Variants in ACSL4 observed in about 807,000 individuals in gnomAD.
ACSL4 encodes acyl-CoA synthetase long chain family member 4.
Under a neutral mutation model 49.1 loss-of-function variants are expected in ACSL4, and 9 were observed. The observed-to-expected ratio is 0.18, with a 90% confidence interval of 0.11 to 0.32. The LOEUF (loss-of-function observed/expected upper bound fraction) is 0.32. Ranked by LOEUF, ACSL4 falls within the 10% of genes least tolerant of loss-of-function variation. The pLI, the probability that ACSL4 is intolerant of heterozygous loss-of-function variation, is 1.00. For missense variants in ACSL4, 333 were observed against 493.7 expected (o/e 0.67, Z 3.08); for synonymous variants, 191 against 170.3 (o/e 1.12, Z -0.95).
At position 109,643,642 on chromosome X, in the gene ACSL4, C is replaced by G. The variant is rs1443681665; in HGVS notation, c.*387G>C. 3 of 146,267 alleles carry G rather than the reference C, an allele frequency of 2.1e-5. No homozygotes were observed. The highest frequency in any genetic ancestry group is 1.5e-4 in the Admixed American group (2 of 13,009). The allele number at this position is 146,267 out of a possible 1,213,427, so 12.1% of individuals were successfully genotyped here. ...TCTGTCATGCTTAATATTTAAACTTCTGAAATAGGAAGACAAGAGGCATTG... is the reference window on the plus strand; with the variant it reads ...TCTGTCATGCTTAATATTTAAACTTGTGAAATAGGAAGACAAGAGGCATTG... On this transcript the variant is annotated 3_prime_UTR_variant, in exon 16 of 16. Coordinates refer to ENST00000672401, the MANE Select transcript of ACSL4 (RefSeq NM_001318510.2).
In ACSL4 at chrX:109,668,150, G is replaced by A; in HGVS notation, c.1266C>T (p.Gly422=). The part of the protein sequence containing the change: ...FMNVCFCCPI[G]QGYGLTESCG... ...ATGATTCTGTCAGTCCATAACCCTG[G>A]CCAATTGGGCAGCAGAAGCAGACAT... The change falls in exon 11 of 16, where the codon GGC becomes GGT. Residue 422 remains glycine, a synonymous_variant. Transcript: ENST00000672401. The A allele has an allele frequency of 8.3e-7, 1 of 1,209,001 alleles. No homozygotes were observed. Among genetic ancestry groups the A allele is most frequent in the Non-Finnish European group, 1.1e-6 (1 of 893,214 alleles).
intron 1 of ACSL4, among the ~76,000 whole-genome samples, chrX:109,702,437 T>A (rs775424826): frequency 4.5e-5 from 5 of 112,236 alleles, no homozygotes; most frequent in Non-Finnish European, 9.4e-5. Flanking sequence ...AATATACTTA[T>A]GCTAGTGATT....
chrX:109,643,862 A>T lies in ACSL4; in HGVS notation c.*167T>A. ...CACTAGAACTATGCAAAACTAAGTT[A>T]AAGTAAACCGGACAACAATTTTAAT... On this transcript the variant is annotated 3_prime_UTR_variant, in exon 16 of 16. Transcript: ENST00000672401. The T allele has an allele frequency of 3.5e-6, 2 of 570,615 alleles. No homozygotes were observed. Among genetic ancestry groups the T allele is most frequent in the Non-Finnish European group, 5.6e-6 (2 of 354,324 alleles). The allele number at this position is 570,615 out of a possible 1,213,427, so 47.0% of individuals were successfully genotyped here.
At chrX:109,650,475 A>T (rs1403076573) in intron 15 of ACSL4, among the ~76,000 whole-genome samples, 2 of 98,937 alleles carry the variant, frequency 2.0e-5, no homozygotes, top group Admixed American at 1.1e-4. Flanking sequence ...GGAATTGAAC[A>T]ATGAGAACAC....
intron 15 of ACSL4, among the ~76,000 whole-genome samples, chrX:109,647,766 T>G (rs1234562634): frequency 9.1e-6 from 1 of 110,468 alleles, no homozygotes; most frequent in Admixed American, 9.6e-5. Flanking sequence ...GCAAAATTGA[T>G]AGACCGCTAG....
chrX:109,645,494 A>G lies in ACSL4; in HGVS notation c.1856-1308T>C, dbSNP rs752773651. 2.7e-5 allele frequency among the ~76,000 whole-genome samples: 3 copies of G among 112,218 alleles called. No homozygotes were observed. In the South Asian group the frequency reaches 1.1e-3, roughly 41 times the overall value. ...TTAGAAGGAAAACTAACAAACAGAA[A>G]GGACATCCACACCAAAAACCGATCT... On this transcript the variant is annotated intron_variant, in intron 15 of 15. Coordinates refer to ENST00000672401, the MANE Select transcript of ACSL4 (RefSeq NM_001318510.2).
chrX:109,700,133 G>A (rs978275054), intron 1 of ACSL4, among the ~76,000 whole-genome samples: 2 of 105,583 alleles, frequency 1.9e-5, no homozygotes, highest in Non-Finnish European at 3.9e-5. Flanking sequence ...ACTTGAACCC[G>A]GGAGGCAGAG....
chrX:109,733,181 G>A lies in ACSL4; in HGVS notation c.-108C>T, dbSNP rs1311101783. On this transcript the variant is annotated 5_prime_UTR_variant, in exon 1 of 16. Transcript: ENST00000672401. ...GCGTCTTCGCAGCCGGCCGGCGCCTGGCACTCGGAAAGCTCGCAAAAAGGA... is the reference window on the plus strand; with the variant it reads ...GCGTCTTCGCAGCCGGCCGGCGCCTAGCACTCGGAAAGCTCGCAAAAAGGA... 6.1e-6 allele frequency: 2 copies of A among 327,617 alleles called. No homozygotes were observed. The highest frequency in any genetic ancestry group is 2.6e-5 in the South Asian group (1 of 38,356). 27.0% of individuals were successfully genotyped at this position (327,617 alleles called of 1,213,427 possible).
chrX:109,667,176 G>A (rs1254658328), intron 11 of ACSL4, among the ~76,000 whole-genome samples: 1 of 112,286 alleles, frequency 8.9e-6, no homozygotes, highest in Non-Finnish European at 1.9e-5. Flanking sequence ...AGTTTAAAGC[G>A]AAAATAAGAT....
chrX:109,697,876 T>A (rs1925577621), intron 1 of ACSL4, among the ~76,000 whole-genome samples: 1 of 109,615 alleles, frequency 9.1e-6, no homozygotes, highest in African/African-American at 3.3e-5. Context: ...AAAAAACCCA[T>A]CCTTCTATAA....
intron 15 of ACSL4, among the ~76,000 whole-genome samples, chrX:109,658,058 T>A (rs927830249): frequency 5.4e-5 from 6 of 111,537 alleles, no homozygotes; most frequent in African/African-American, 2.0e-4. Flanking sequence ...CACTTTTTGA[T>A]GGGGTTGTCA....
intron 2 of ACSL4, among the ~76,000 whole-genome samples, chrX:109,686,190 G>A (rs957810057): frequency 3.6e-5 from 4 of 111,779 alleles, no homozygotes; most frequent in Non-Finnish European, 7.5e-5. Flanking sequence ...CACATCATTA[G>A]CAATATCTAC....
intron 2 of ACSL4, among the ~76,000 whole-genome samples, chrX:109,689,134 T>C (rs1924842764): frequency 9.0e-6 from 1 of 111,259 alleles, no homozygotes; most frequent in Non-Finnish European, 1.9e-5. Flanking sequence ...AACCTTAGAT[T>C]CACCCTTTTA....
In ACSL4 at chrX:109,681,259, T is replaced by C; in HGVS notation, c.516+7A>G. ...AACCATGAATTAAAAGAAAATTTCA[T>C]ATTTACCTTAAGTTTACTTTCCAGA... On this transcript the variant is annotated splice_region_variant and intron_variant, in intron 5 of 15. Transcript: ENST00000672401. The C allele has an allele frequency of 1.7e-6, 2 of 1,204,160 alleles. No individual in the cohort carries two copies. The highest frequency in any genetic ancestry group is 1.1e-6 in the Non-Finnish European group (1 of 888,640).
At chrX:109,668,961 T>C in intron 10 of ACSL4, 73 bp downstream of exon 10, 4 of 911,661 alleles carry the variant, frequency 4.4e-6, no homozygotes, top group Non-Finnish European at 6.2e-6. Flanking sequence ...GCCATTTATT[T>C]ATTCATCTTC....
chrX:109,645,427 G>A (rs1422613838), intron 15 of ACSL4, among the ~76,000 whole-genome samples: 7 of 111,930 alleles, frequency 6.3e-5, no homozygotes, highest in East Asian at 2.8e-4. Flanking sequence ...CACCTCACAC[G>A]GCCGGGTACT....
chrX:109,667,876 G>C (rs1922811199), intron 11 of ACSL4, among the ~76,000 whole-genome samples: 1 of 107,661 alleles, frequency 9.3e-6, no homozygotes, highest in Non-Finnish European at 1.9e-5. Context: ...TGGGCAACAA[G>C]AGTGAAACTC....
rs755120558 is a variant in ACSL4 at position 109,681,082 on chromosome X, C to A, written c.571G>T (p.Ala191Ser). The A allele has an allele frequency of 2.5e-6, 3 of 1,208,746 alleles. No individual in the cohort carries two copies. The highest frequency in any genetic ancestry group is 2.2e-6 in the Non-Finnish European group (2 of 893,393). Reference protein sequence around the residue: ...VKHIIYVDNKAINKAEYPEGF... With the variant: ...VKHIIYVDNKSINKAEYPEGF... ...TCAGGGTACTCTGCTTTATTGATAG[C>A]CTTATTGTCCACATAAATGATATGT... The change falls in exon 6 of 16, where the codon GCT becomes TCT. Residue 191 changes from alanine (A) to serine (S), a missense_variant. Ala to Ser is a moderately conservative substitution (Grantham distance 99). Coordinates refer to ENST00000672401, the MANE Select transcript of ACSL4 (RefSeq NM_001318510.2).
intron 1 of ACSL4, among the ~76,000 whole-genome samples, chrX:109,730,510 A>G (rs1412331617): frequency 8.9e-6 from 1 of 111,978 alleles, no homozygotes; most frequent in African/African-American, 3.2e-5. Flanking sequence ...CTGGATGTAC[A>G]TCTGTCTCTC....
Sources: allele counts gnomAD v4.1 joint callset (sites outside exome capture counted in the v4.1 genomes callset), GRCh38; gene constraint gnomAD v4.1.1; transcripts MANE v1.5; gene names NCBI Gene and HGNC (gene_info 2026-07-23, HGNC 2026-07-21).